The following PPP3CC variants were observed in gnomAD, a reference collection of about 807,000 sequenced individuals.
The protein encoded by PPP3CC is serine/threonine-protein phosphatase 2B catalytic subunit gamma isoform.
Under a neutral mutation model 60.3 loss-of-function variants are expected in PPP3CC, and 35 were observed. The ratio of observed to expected loss-of-function variants is 0.58; its 90% CI spans 0.44 to 0.77. PPP3CC has a LOEUF of 0.77. Ranked by LOEUF, PPP3CC falls within the 30% of genes least tolerant of loss-of-function variation. The probability of loss-of-function intolerance (pLI) is 0.00; values close to 1 mark genes in which losing one functional copy is unlikely to be tolerated. For missense variants in PPP3CC, 570 were observed against 628.9 expected (o/e 0.91, Z 1.00); for synonymous variants, 206 against 224.3 (o/e 0.92, Z 0.73).
intron 4 of PPP3CC, among the ~76,000 whole-genome samples, chr8:22,505,349 G>C (rs893761584): frequency 6.6e-6 from 1 of 152,010 alleles, no homozygotes; most frequent in Non-Finnish European, 1.5e-5. Flanking sequence ...TTTTTTAAAT[G>C]TATAGTTAAA....
chr8:22,514,248 CAAAA>C (rs66505760), intron 6 of PPP3CC, among the ~76,000 whole-genome samples: 8,739 of 89,324 alleles, frequency 0.098, 312 homozygotes, highest in Middle Eastern at 0.14. Flanking sequence ...ACTCTGTCTC[CAAAA>C]AAAAAAAAAA....
chr8:22,521,333 C>T (rs904789906), intron 6 of PPP3CC, among the ~76,000 whole-genome samples: 1 of 152,144 alleles, frequency 6.6e-6, no homozygotes, highest in Non-Finnish European at 1.5e-5. Flanking sequence ...GGATCTGTTA[C>T]TAGGGGCATC....
At chr8:22,490,259 A>T (rs1260055888) in intron 3 of PPP3CC, among the ~76,000 whole-genome samples, 1 of 152,154 alleles carries the variant, frequency 6.6e-6, no homozygotes, top group East Asian at 1.9e-4. Flanking sequence ...AAGCTTGTGC[A>T]AACAGAGGTT....
intron 1 of PPP3CC, among the ~76,000 whole-genome samples, chr8:22,455,223 A>ACC (rs1837161099): frequency 1.3e-5 from 2 of 152,208 alleles, no homozygotes; most frequent in Non-Finnish European, 2.9e-5. Context: ...TATGCTTAGA[A>ACC]GGGTTAAATA....
chr8:22,504,060 G>A (rs1053426506), intron 4 of PPP3CC, among the ~76,000 whole-genome samples: 4 of 152,130 alleles, frequency 2.6e-5, no homozygotes, highest in Non-Finnish European at 4.4e-5. Flanking sequence ...GGAGGTGGGT[G>A]AAGGCTTTTC....
chr8:22,486,732 G>GTT (rs35858964), intron 3 of PPP3CC, among the ~76,000 whole-genome samples: 36 of 134,134 alleles, frequency 2.7e-4, no homozygotes, highest in Non-Finnish European at 3.9e-4. Flanking sequence ...TTTTTGTTTT[G>GTT]TTTTTTTTTT....
intron 1 of PPP3CC, among the ~76,000 whole-genome samples, chr8:22,470,130 C>T (rs1229445480): frequency 6.7e-6 from 1 of 149,742 alleles, no homozygotes; most frequent in African/African-American, 2.5e-5. Flanking sequence ...TTTATGTTTT[C>T]TTTTTTTTAG....
In PPP3CC at chr8:22,524,660, G is replaced by C. The variant is rs191171186; in HGVS notation, c.943+1911G>C. On this transcript the variant is annotated intron_variant, in intron 8 of 13. Coordinates refer to ENST00000240139, the MANE Select transcript of PPP3CC (RefSeq NM_005605.5). ...CCCTAGATCTCCTATTTGTAATGAAGGTGTTTCTTTCTCACTTTCTTTTTT... is the reference window on the plus strand; with the variant it reads ...CCCTAGATCTCCTATTTGTAATGAACGTGTTTCTTTCTCACTTTCTTTTTT... Among the ~76,000 whole-genome samples, 150 of 152,166 alleles carry C rather than the reference G, an allele frequency of 9.9e-4. 1 individual carries two copies. Among genetic ancestry groups the C allele is most frequent in the Non-Finnish European group, 3.5e-4 (24 of 68,004 alleles).
chr8:22,511,797 T>C (rs1839095621), intron 5 of PPP3CC, among the ~76,000 whole-genome samples: 1 of 152,190 alleles, frequency 6.6e-6, no homozygotes, highest in Admixed American at 6.5e-5. Context: ...CTTTGAATTA[T>C]ATCGCAGTGC....
chr8:22,525,560 TTCTTTCTCTCTCTCTC>T lies in PPP3CC; in HGVS notation c.944-1821_944-1806del, dbSNP rs1431563955. Among the ~76,000 whole-genome samples the T allele has an allele frequency of 3.1e-3, 424 of 138,358 alleles. 4 individuals are homozygous for T. Among genetic ancestry groups the T allele is most frequent in the African/African-American group, 0.011 (407 of 37,648 alleles). 90.8% of individuals were successfully genotyped at this position (138,358 alleles called of 152,430 possible). A position where few individuals can be genotyped will look rare whatever the true frequency, so the allele number is the denominator to read the frequency against. ...TTTCTCTCCCTCTCTCTCTCTCTCT[TTCTTTCTCTCTCTCTC>T]TCTTTCTCTCGGTCTCTGTCACTTA... On this transcript the variant is annotated intron_variant, in intron 8 of 13. Transcript: ENST00000240139.
Position 22,498,064 on chromosome 8 carries a change from A to T in PPP3CC, c.436A>T (p.Asn146Tyr). Reference sequence around the variant, plus strand: ...CAAAACATTGTTTCTGCTTCGGGGAAATCATGAATGCAGGCATCTTACAGA... The same window carrying T: ...CAAAACATTGTTTCTGCTTCGGGGATATCATGAATGCAGGCATCTTACAGA... ...HPKTLFLLRG[N>Y]HECRHLTDYF... Residue 146 changes from asparagine to tyrosine, a missense_variant, in exon 4 of 14, where the codon AAT (asparagine) becomes TAT (tyrosine). Asn to Tyr is a moderately radical substitution (Grantham distance 143). Transcript: ENST00000240139. 1 of 1,613,426 alleles carries T rather than the reference A, an allele frequency of 6.2e-7. No individual in the cohort carries two copies. Among genetic ancestry groups the T allele is most frequent in the Non-Finnish European group, 8.5e-7 (1 of 1,179,512 alleles).
intron 10 of PPP3CC, among the ~76,000 whole-genome samples, chr8:22,530,829 C>CAAACAAAAAAAAAAAAAAAAAAAAAAAAA: frequency 1.7e-5 from 1 of 58,048 alleles, no homozygotes; most frequent in African/African-American, 5.2e-5. Flanking sequence ...AGACTCATCT[C>CAAACAAAAAAAAAAAAAAAAAAAAAAAAA]AAAAAAAAAA....
At chr8:22,522,454 T>C (rs964910462) in intron 6 of PPP3CC, 37 bp from the exon 7 acceptor site, 3 of 1,534,374 alleles carry the variant, frequency 2.0e-6, no homozygotes, top group Non-Finnish European at 2.7e-6. Flanking sequence ...AAAATTGTTT[T>C]AATTCTGGAT....
Position 22,451,539 on chromosome 8 carries a change from C to CT in PPP3CC, c.49+10084dup, listed in dbSNP as rs569732225. ...TGCCAGATGACACCACAAGTGGACA[C>CT]TTTCTTTCCTGACCTCATGTGATGG... On this transcript the variant is annotated intron_variant, in intron 1 of 13. Coordinates refer to ENST00000240139, the MANE Select transcript of PPP3CC (RefSeq NM_005605.5). Among the ~76,000 whole-genome samples the CT allele has an allele frequency of 3.2e-3, 482 of 152,356 alleles. 3 individuals carry two copies. Among genetic ancestry groups the CT allele is most frequent in the African/African-American group, 0.011 (457 of 41,582 alleles).
At chr8:22,522,347 T>C in intron 6 of PPP3CC, 144 bp from the exon 7 acceptor site, 1 of 624,000 alleles carries the variant, frequency 1.6e-6, no homozygotes, top group South Asian at 2.0e-5. Flanking sequence ...TGATGAGTAC[T>C]AAGCTATTCA....
At position 22,522,728 on chromosome 8, in the gene PPP3CC, C is replaced by T; in HGVS notation, c.922C>T (p.Leu308=). The stretch of plus-strand genomic sequence containing the variant: ...TACAATTTTCTCTGCCCCCAATTAC[C>T]TAGATGTCTATAACAATAAAGGTAA... ...LITIFSAPNY[L]DVYNNKAAVL... The change falls in exon 8 of 14, where the codon CTA becomes TTA. Residue 308 remains leucine, a synonymous_variant. Transcript: ENST00000240139. 3 of 1,588,614 alleles carry T rather than the reference C, an allele frequency of 1.9e-6. No homozygotes were observed. Among genetic ancestry groups the T allele is most frequent in the Non-Finnish European group, 2.6e-6 (3 of 1,157,108 alleles).
At chr8:22,517,600 T>C (rs1839287614) in intron 6 of PPP3CC, among the ~76,000 whole-genome samples, 1 of 152,206 alleles carries the variant, frequency 6.6e-6, no homozygotes, top group South Asian at 2.1e-4. Flanking sequence ...AGGTTGTATA[T>C]TTCCAGACTC....
rs140207061 is a variant in PPP3CC, at chr8:22,458,046, G to A, written c.49+16588G>A. Among the ~76,000 whole-genome samples the A allele has an allele frequency of 3.1e-3, 475 of 151,708 alleles. 3 individuals carry two copies. The highest frequency in any genetic ancestry group is 0.011 in the African/African-American group (450 of 41,340). ...GCAGAGGATGCAGTGAGCCGAGATC[G>A]TGCCATTGCACTCCAGCCTGGGCAA... is the stretch of plus-strand genomic sequence containing the variant. On this transcript the variant is annotated intron_variant, in intron 1 of 13. Transcript: ENST00000240139.
At chr8:22,495,549 ATATTATTAT>A (rs200513942) in intron 3 of PPP3CC, among the ~76,000 whole-genome samples, 3 of 151,288 alleles carry the variant, frequency 2.0e-5, no homozygotes, top group Non-Finnish European at 2.9e-5. Flanking sequence ...TATGCAAATT[ATATTATTAT>A]TATTATTATT....
Sources: gnomAD v4.1 joint callset for allele counts (sites outside exome capture counted in the v4.1 genomes callset) on GRCh38, gnomAD v4.1.1 for gene constraint, MANE v1.5 for transcripts, NCBI Gene and HGNC (gene_info 2026-07-23, HGNC 2026-07-21) for gene names.